ACY1: variants seen among roughly 807,000 people sequenced by gnomAD.
The protein encoded by ACY1 is aminoacylase-1.
In ACY1, 38 loss-of-function variants were observed where a neutral mutation model predicts 53.3. The observed-to-expected ratio is 0.71, with a 90% CI of 0.55 to 0.93. ACY1 has a LOEUF of 0.93. ACY1 is among the 40% of genes least tolerant of loss of function. ACY1 has a pLI of 0.00. For missense variants in ACY1, 484 were observed against 540.9 expected (o/e 0.89, Z 1.04); for synonymous variants, 177 against 202.1 (o/e 0.88, Z 1.05).
intron 1 of ACY1, among the ~76,000 whole-genome samples, chr3:51,983,804 T>G (rs1476225828): frequency 2.0e-5 from 3 of 152,050 alleles, no homozygotes; most frequent in African/African-American, 7.2e-5. Flanking sequence ...AGCTTTCTCC[T>G]CTGTAAAGTG....
Position 51,987,570 on chromosome 3 carries a change from G to A in ACY1, c.867G>A (p.Gln289=). 1 of 1,614,122 alleles carries A rather than the reference G, an allele frequency of 6.2e-7. No homozygotes were observed. The highest frequency in any genetic ancestry group is 8.5e-7 in the Non-Finnish European group (1 of 1,180,008). Residue 289 remains glutamine, a synonymous_variant, in exon 12 of 15, where the codon CAG becomes CAA. Coordinates refer to ENST00000636358, the MANE Select transcript of ACY1 (RefSeq NM_000666.3). Reference sequence around the variant, plus strand: ...CCTTCTCTTAGGCTTTTGAGGAGCAGCTGCAGAGCTGGTGCCAGGCAGCTG... The same window carrying A: ...CCTTCTCTTAGGCTTTTGAGGAGCAACTGCAGAGCTGGTGCCAGGCAGCTG... The part of the protein sequence containing the change: ...PDVDFKAFEE[Q]LQSWCQAAGE...
At chr3:51,985,809 C>A in intron 4 of ACY1, 43 bp from the exon 5 acceptor site, 1 of 1,554,942 alleles carries the variant, frequency 6.4e-7, no homozygotes, top group Non-Finnish European at 8.8e-7. Flanking sequence ...GGATTAATGG[C>A]TAAATTTGGG....
In ACY1 at chr3:51,984,057, G is replaced by A. The variant is rs750759726; in HGVS notation, c.-8G>A. 5.6e-6 allele frequency: 9 copies of A among 1,612,830 alleles called. No individual in the cohort carries two copies. The East Asian group carries it at 8.9e-5, about 16-fold the overall frequency. On this transcript the variant is annotated 5_prime_UTR_variant, in exon 2 of 15. Coordinates refer to ENST00000636358, the MANE Select transcript of ACY1 (RefSeq NM_000666.3). ...TCACTTTGCCCCCAGCTCACCACGC[G>A]CAGCGCCATGACCAGCAAGGGTCCC...
In ACY1 at chr3:51,988,759, C is replaced by G; in HGVS notation, c.1002-7C>G. 1 of 1,614,098 alleles carries G rather than the reference C, an allele frequency of 6.2e-7. No individual in the cohort carries two copies. Among genetic ancestry groups the G allele is most frequent in the African/African-American group, 1.3e-5 (1 of 75,034 alleles). The stretch of plus-strand genomic sequence containing the variant: ...CCTCCCCATTCATCAGGCTCTTTCT[C>G]CTACAGGAACCTCACTCTGGAGCCT... On this transcript the variant is annotated splice_region_variant and splice_polypyrimidine_tract_variant and intron_variant, in intron 13 of 14. Transcript: ENST00000636358.
chr3:51,984,597 T>C (rs1700992456), intron 2 of ACY1: 2 of 310,472 alleles, frequency 6.4e-6, no homozygotes, highest in Non-Finnish European at 1.3e-5. Context: ...GGCAGATTGC[T>C]TGGGCCCAGG....
In ACY1 at chr3:51,985,966, A is replaced by C. The variant is rs367898748; in HGVS notation, c.359+20A>C. 1 of 1,597,748 alleles carries C rather than the reference A, an allele frequency of 6.3e-7. No individual in the cohort carries two copies. Among genetic ancestry groups the C allele is most frequent in the African/African-American group, 1.3e-5 (1 of 74,346 alleles). ...CATCCAGTGAGTGTCCTCCATTCCT[A>C]CTCCTCCACAATGTCCCCACTGGTC... On this transcript the variant is annotated intron_variant, in intron 5 of 14. Coordinates refer to ENST00000636358, the MANE Select transcript of ACY1 (RefSeq NM_000666.3).
chr3:51,987,716 T>C, intron 12 of ACY1, 92 bp downstream of exon 12: 1 of 1,314,768 alleles, frequency 7.6e-7, no homozygotes, highest in South Asian at 1.3e-5. Flanking sequence ...TGTCTGCATA[T>C]GTCTGGGCAT....
chr3:51,987,715 A>C, intron 12 of ACY1, 91 bp downstream of exon 12: 1 of 1,313,186 alleles, frequency 7.6e-7, no homozygotes, highest in Non-Finnish European at 1.1e-6. Flanking sequence ...GTGTCTGCAT[A>C]TGTCTGGGCA....
At chr3:51,987,842 G>A in intron 12 of ACY1, 1 of 571,246 alleles carries the variant, frequency 1.8e-6, no homozygotes, top group South Asian at 2.2e-5. Flanking sequence ...CCCTTGTATG[G>A]TGAAACGGGG....
chr3:51,986,227 C>G lies in ACY1; in HGVS notation c.360-28C>G, dbSNP rs771535708. The stretch of plus-strand genomic sequence containing the variant: ...GGCCAGCCTGCGCATCTGGTGGCTC[C>G]CCCAGCACCTGGCTTATGCCCCCTC... On this transcript the variant is annotated intron_variant, in intron 5 of 14. Transcript: ENST00000636358. 1.4e-5 allele frequency: 22 copies of G among 1,612,150 alleles called. No individual in the cohort carries two copies. The African/African-American group carries it at 2.5e-4, about 19-fold the overall frequency.
chr3:51,988,864 G>C (rs994884602), intron 14 of ACY1, 38 bp downstream of exon 14: 1 of 1,614,104 alleles, frequency 6.2e-7, no homozygotes, highest in African/African-American at 1.3e-5. Flanking sequence ...CAGTGGACTG[G>C]GCCTGAGTGC....
In ACY1 at chr3:51,987,412, G is replaced by A. The variant is rs765511074; in HGVS notation, c.811G>A (p.Ala271Thr). 1.5e-5 allele frequency: 25 copies of A among 1,614,024 alleles called. No homozygotes were observed. Among genetic ancestry groups the A allele is most frequent in the East Asian group, 6.7e-5 (3 of 44,890 alleles). Residue 271 changes from alanine (A) to threonine (T), a missense_variant, in exon 11 of 15, where the codon GCC becomes ACC. Physicochemically the swap from Ala to Thr is moderately conservative, Grantham distance 58. Coordinates refer to ENST00000636358, the MANE Select transcript of ACY1 (RefSeq NM_000666.3). ...AYNVIPATMS[A>T]SFDFRVAPDV... ...TAACGTGATACCTGCCACCATGAGC[G>A]CCAGCTTTGACTTCCGTGTGGCACC...
chr3:51,985,895 A>G lies in ACY1; in HGVS notation c.308A>G (p.Glu103Gly), dbSNP rs1274654316. 4.3e-6 allele frequency: 7 copies of G among 1,613,576 alleles called. No homozygotes were observed. The highest frequency in any genetic ancestry group is 4.2e-6 in the Non-Finnish European group (5 of 1,179,846). ...CCCTTTGAGGCCTTCAAGGATTCTG[A>G]GGGCTACATCTATGCCAGGGGTGCC... ...HDPFEAFKDS[E>G]GYIYARGAQD... Residue 103 changes from glutamate to glycine, a missense_variant, in exon 5 of 15, where the codon GAG becomes GGG. Physicochemically the swap from Glu to Gly is moderately conservative, Grantham distance 98 (BLOSUM62 -2). Coordinates refer to ENST00000636358, the MANE Select transcript of ACY1 (RefSeq NM_000666.3).
intron 1 of ACY1, 101 bp downstream of exon 1, chr3:51,983,690 TTTTTG>T: frequency 3.4e-6 from 1 of 293,292 alleles, no homozygotes; most frequent in Non-Finnish European, 6.4e-6. Flanking sequence ...TTTGTTTTTG[TTTTTG>T]CCTTTTTTTT....
rs1469503534 is a variant in ACY1, at chr3:51,989,080, T to TG, written c.*7dup. On this transcript the variant is annotated 3_prime_UTR_variant, in exon 15 of 15. Transcript: ENST00000636358. ...GCCCTGCCCAGTGACAGCTGAGCCCTGGAACTCCTAAACCTTTGCCCCTGG... is the reference window on the plus strand; with the variant it reads ...GCCCTGCCCAGTGACAGCTGAGCCCTGGGAACTCCTAAACCTTTGCCCCTGG... 1.2e-6 allele frequency: 2 copies of TG among 1,613,152 alleles called. No homozygotes were observed. Among genetic ancestry groups the TG allele is most frequent in the Admixed American group, 3.3e-5 (2 of 60,012 alleles).
In ACY1 at chr3:51,987,019, C is replaced by A. The variant is rs776090724; in HGVS notation, c.615C>A (p.Gly205=). 6.2e-7 allele frequency: 1 copy of A among 1,613,038 alleles called. No homozygotes were observed. The highest frequency in any genetic ancestry group is 1.3e-5 in the African/African-American group (1 of 74,894). The change falls in exon 9 of 15, where the codon GGC becomes GGA. Residue 205 remains glycine, a synonymous_variant. Transcript: ENST00000636358. ...WVRVTSTGRP[G]HASRFMEDTA... ...GGGTTACCAGCACTGGGAGGCCAGG[C>A]CATGCCTCACGCTTCATGGAGGACA...
Position 51,988,769 on chromosome 3 carries a change from C to T in ACY1, c.1005C>T (p.Asn335=). The T allele has an allele frequency of 6.2e-7, 1 of 1,614,168 alleles. No homozygotes were observed. Among genetic ancestry groups the T allele is most frequent in the Non-Finnish European group, 8.5e-7 (1 of 1,180,000 alleles). ...CATCAGGCTCTTTCTCCTACAGGAA[C>T]CTCACTCTGGAGCCTGAGATCATGC... The part of the protein sequence containing the change: ...AAFSRVCKDM[N]LTLEPEIMPA... Residue 335 remains asparagine, a synonymous_variant, in exon 14 of 15, where the codon AAC becomes AAT. Coordinates refer to ENST00000636358, the MANE Select transcript of ACY1 (RefSeq NM_000666.3).
chr3:51,988,148 G>A, intron 12 of ACY1: 1 of 367,450 alleles, frequency 2.7e-6, no homozygotes, highest in Non-Finnish European at 5.2e-6. Context: ...TTACAGGCAT[G>A]AGCCACTGCG....
rs200116455 is a variant in ACY1, at chr3:51,988,590, G to A, written c.988G>A (p.Val330Ile). 20 of 1,614,068 alleles carry A rather than the reference G, an allele frequency of 1.2e-5. No homozygotes were observed. The highest frequency in any genetic ancestry group is 1.6e-5 in the Non-Finnish European group (19 of 1,180,038). ...SNPWWAAFSRVCKDMNLTLEP... is the reference protein window; with the variant it reads ...SNPWWAAFSRICKDMNLTLEP... ...CCCTTGGTGGGCAGCTTTTAGCCGG[G>A]TCTGCAAGGATATGTGAGCACGCTG... Residue 330 changes from valine (V) to isoleucine (I), a missense_variant, in exon 13 of 15, where the codon GTC becomes ATC. Transcript: ENST00000636358.
Sources: gnomAD v4.1 joint callset for allele counts (sites outside exome capture counted in the v4.1 genomes callset) on GRCh38, gnomAD v4.1.1 for gene constraint, MANE v1.5 for transcripts, NCBI Gene and HGNC (gene_info 2026-07-23, HGNC 2026-07-21) for gene names.